Variants in SMURF2 observed in about 807,000 individuals in gnomAD.
The protein encoded by SMURF2 is E3 ubiquitin-protein ligase SMURF2.
Under a neutral mutation model 109.6 loss-of-function variants are expected in SMURF2, and 48 were observed. That is an observed-to-expected ratio of 0.44 (90% CI 0.35 to 0.56). The LOEUF (loss-of-function observed/expected upper bound fraction) is 0.56. Ranked by LOEUF, SMURF2 falls within the 20% of genes least tolerant of loss-of-function variation. SMURF2 has a pLI of 0.01. For synonymous variants in SMURF2, 288 were observed against 317.1 expected, an observed-to-expected ratio of 0.91 and a Z score of 0.97; for missense variants, 575 against 909.0, an observed-to-expected ratio of 0.63 and a Z score of 4.72.
intron 1 of SMURF2, among the ~76,000 whole-genome samples, chr17:64,611,901 C>CA (rs1970049551): frequency 6.6e-6 from 1 of 152,110 alleles, no homozygotes; most frequent in South Asian, 2.1e-4. Flanking sequence ...AGCTCCCTTC[C>CA]AGGCCCTCAA....
At chr17:64,626,741 C>T (rs1555691205) in intron 1 of SMURF2, among the ~76,000 whole-genome samples, 1 of 151,856 alleles carries the variant, frequency 6.6e-6, no homozygotes, top group Non-Finnish European at 1.5e-5. Flanking sequence ...CCAGCCTGCT[C>T]GACAGAGCAA....
At chr17:64,631,314 G>GAGAGAGAGAGAGAC (rs1568203004) in intron 1 of SMURF2, among the ~76,000 whole-genome samples, 24 of 126,720 alleles carry the variant, frequency 1.9e-4, no homozygotes, top group African/African-American at 5.6e-4. Flanking sequence ...GAGAGAGAGA[G>GAGAGAGAGAGAGAC]AGAGAGAGAG....
At chr17:64,641,717 C>G (rs1037088943) in intron 1 of SMURF2, among the ~76,000 whole-genome samples, 1 of 152,092 alleles carries the variant, frequency 6.6e-6, no homozygotes, top group Non-Finnish European at 1.5e-5. Context: ...CCAGCCACCC[C>G]CCAGCAATTC....
chr17:64,640,118 T>C (rs1412670235), intron 1 of SMURF2, among the ~76,000 whole-genome samples: 2 of 152,212 alleles, frequency 1.3e-5, no homozygotes, highest in Non-Finnish European at 2.9e-5. Context: ...TACAGGTTTT[T>C]CTATACATCT....
In SMURF2 at chr17:64,642,053, C is replaced by T. The variant is rs527877126; in HGVS notation, c.52+19776G>A. Among the ~76,000 whole-genome samples the T allele has an allele frequency of 3.3e-5, 5 of 152,264 alleles. No homozygotes were observed. The South Asian group carries it at 6.2e-4, about 19-fold the overall frequency. On this transcript the variant is annotated intron_variant, in intron 1 of 18. Coordinates refer to ENST00000262435, the MANE Select transcript of SMURF2 (RefSeq NM_022739.4). ...AACTCCTGAGCTCAGGCAATCTGCC[C>T]GACTCAGCCTCCCGAAGTGCTGGGA...
At chr17:64,572,398 C>T (rs549915150) in intron 9 of SMURF2, among the ~76,000 whole-genome samples, 4 of 152,148 alleles carry the variant, frequency 2.6e-5, no homozygotes, top group East Asian at 1.9e-4. Context: ...ATTTTAAGCT[C>T]GCCAACAAAG....
At chr17:64,561,400 A>G in intron 12 of SMURF2, 100 bp downstream of exon 12, 1 of 758,356 alleles carries the variant, frequency 1.3e-6, no homozygotes. Flanking sequence ...TTAGGGAATA[A>G]CAAAAAATAA....
chr17:64,550,273 C>A (rs1969022468), intron 16 of SMURF2, among the ~76,000 whole-genome samples: 1 of 152,166 alleles, frequency 6.6e-6, no homozygotes, highest in African/African-American at 2.4e-5. Flanking sequence ...AATCATGTTT[C>A]AAATTATTAG....
At chr17:64,648,085 A>AAAAAAAAC (rs1555693152) in intron 1 of SMURF2, among the ~76,000 whole-genome samples, 82 of 138,952 alleles carry the variant, frequency 5.9e-4, no homozygotes, top group Non-Finnish European at 7.8e-4. Flanking sequence ...AAAAAAAAAA[A>AAAAAAAAC]AAAAAAACAG....
At chr17:64,580,593 T>A (rs956836979) in intron 8 of SMURF2, among the ~76,000 whole-genome samples, 196 bp downstream of exon 8, 4 of 152,236 alleles carry the variant, frequency 2.6e-5, no homozygotes, top group Non-Finnish European at 5.9e-5. Context: ...GGCTGAATGA[T>A]GAGCACAAGG....
At chr17:64,578,642 C>T (rs868910866) in intron 8 of SMURF2, 66 bp from the exon 9 acceptor site, 3 of 1,014,654 alleles carry the variant, frequency 3.0e-6, no homozygotes, top group Middle Eastern at 2.2e-4. Flanking sequence ...CAGTTATATA[C>T]ACTAAGATGA....
intron 1 of SMURF2, among the ~76,000 whole-genome samples, chr17:64,633,097 CCT>C (rs1473988218): frequency 1.3e-5 from 2 of 152,092 alleles, no homozygotes; most frequent in Non-Finnish European, 2.9e-5. Flanking sequence ...CTGAGGAGAC[CCT>C]GTCTCTATAA....
intron 8 of SMURF2, among the ~76,000 whole-genome samples, chr17:64,579,010 T>C (rs928647481): frequency 2.6e-5 from 4 of 152,250 alleles, no homozygotes; most frequent in Non-Finnish European, 5.9e-5. Flanking sequence ...CCAAAACTTA[T>C]GTTTTCTCTT....
At chr17:64,578,597 G>A in intron 8 of SMURF2, 21 bp from the exon 9 acceptor site, 1 of 1,541,382 alleles carries the variant, frequency 6.5e-7, no homozygotes, top group Non-Finnish European at 9.0e-7. Flanking sequence ...AATAAACACT[G>A]ATAACAAAAA....
intron 4 of SMURF2, 73 bp downstream of exon 4, chr17:64,593,365 ATG>A: frequency 7.6e-7 from 1 of 1,319,446 alleles, no homozygotes; most frequent in Non-Finnish European, 1.0e-6. Context: ...GCATGTATAT[ATG>A]TATATGCACA....
chr17:64,635,085 G>C (rs1207322388), intron 1 of SMURF2, among the ~76,000 whole-genome samples: 1 of 152,132 alleles, frequency 6.6e-6, no homozygotes, highest in East Asian at 1.9e-4. Flanking sequence ...TCAGCACTTT[G>C]GGAGGCCAGG....
In SMURF2 at chr17:64,583,352, C is replaced by T. The variant is rs895684883; in HGVS notation, c.569+109G>A. 3.6e-5 allele frequency: 30 copies of T among 825,832 alleles called. No individual in the cohort carries two copies. The East Asian group carries it at 4.8e-4, about 13-fold the overall frequency. The allele number at this position is 825,832 out of a possible 1,614,324, so 51.2% of individuals were successfully genotyped here. On this transcript the variant is annotated intron_variant, in intron 7 of 18. Transcript: ENST00000262435. ...ACCTGTTATAAGATCTACTGATCTA[C>T]GACAGCAAAAACCAAGAAAAAAAAT...
chr17:64,569,097 C>T (rs1043287130), intron 10 of SMURF2, among the ~76,000 whole-genome samples: 2 of 151,622 alleles, frequency 1.3e-5, no homozygotes, highest in South Asian at 2.1e-4. Flanking sequence ...GTCAAGAGCT[C>T]GAGACCAGTC....
At chr17:64,602,694 C>T (rs1969914431) in intron 2 of SMURF2, among the ~76,000 whole-genome samples, 1 of 152,058 alleles carries the variant, frequency 6.6e-6, no homozygotes, top group Non-Finnish European at 1.5e-5. Flanking sequence ...TTTGGGAGGC[C>T]GAAGTGGGTG....
Sources: allele counts gnomAD v4.1 joint callset (sites outside exome capture counted in the v4.1 genomes callset), GRCh38; gene constraint gnomAD v4.1.1; transcripts MANE v1.5; gene names NCBI Gene and HGNC (gene_info 2026-07-23, HGNC 2026-07-21).